The following CYRIB variants were observed in gnomAD, a reference collection of about 807,000 sequenced individuals.
CYRIB encodes the protein CYFIP-related Rac1 interactor B.
CYRIB carries 8 observed loss-of-function variants against 44.2 expected under a neutral mutation model. The ratio of observed to expected loss-of-function variants is 0.18; its 90% CI spans 0.11 to 0.33. The LOEUF (loss-of-function observed/expected upper bound fraction) is 0.33, where lower values mean the gene tolerates loss of function less well. CYRIB is among the 10% of genes least tolerant of loss of function. CYRIB has a pLI of 1.00. For missense variants in CYRIB, 185 were observed against 382.8 expected (o/e 0.48, Z 4.31); for synonymous variants, 131 against 127.2 (o/e 1.03, Z -0.20).
In CYRIB at chr8:129,873,792, G is replaced by C. The variant is rs557721245; in HGVS notation, c.74-2296C>G. Among the ~76,000 whole-genome samples, 3 of 152,082 alleles carry C rather than the reference G, an allele frequency of 2.0e-5. No individual in the cohort carries two copies. The East Asian group carries it at 5.8e-4, about 29-fold the overall frequency. On this transcript the variant is annotated intron_variant, in intron 3 of 11. Coordinates refer to ENST00000519824, the Ensembl canonical transcript of CYRIB. Reference sequence around the variant, plus strand: ...AGACCTTGTAAGTGGTTAATAACTAGTAAAGGTTTAATAAGTACCAAGAAA... The same window carrying C: ...AGACCTTGTAAGTGGTTAATAACTACTAAAGGTTTAATAAGTACCAAGAAA...
chr8:129,853,915 A>G (rs1208763841), intron 7 of CYRIB, among the ~76,000 whole-genome samples: 2 of 152,242 alleles, frequency 1.3e-5, no homozygotes, highest in African/African-American at 2.4e-5. Context: ...ATTTCTCTCC[A>G]AGACTCTTCC....
In CYRIB at chr8:129,855,756, A is replaced by C; in HGVS notation, c.302-9T>G. ...ACCTCTTAATGCTGCTTCTAAAGAA[A>C]AAAATTGAAAAAAACATTAAGTTGT... On this transcript the variant is annotated splice_polypyrimidine_tract_variant and intron_variant, in intron 5 of 11. Coordinates refer to ENST00000519824, the Ensembl canonical transcript of CYRIB. The C allele has an allele frequency of 6.3e-7, 1 of 1,588,912 alleles. No individual in the cohort carries two copies. The highest frequency in any genetic ancestry group is 8.6e-7 in the Non-Finnish European group (1 of 1,168,926).
At chr8:129,992,928 C>T (rs937728145) in intron 1 of CYRIB, among the ~76,000 whole-genome samples, 4 of 152,272 alleles carry the variant, frequency 2.6e-5, no homozygotes, top group Middle Eastern at 3.4e-3. Context: ...GAAAGGAATA[C>T]ACGGCAAGAA....
chr8:129,858,087 T>C (rs1366731547), intron 5 of CYRIB, among the ~76,000 whole-genome samples: 1 of 152,248 alleles, frequency 6.6e-6, no homozygotes, highest in Non-Finnish European at 1.5e-5. Context: ...TTGAAGCAGC[T>C]AGATCAGCCT....
intron 1 of CYRIB, among the ~76,000 whole-genome samples, chr8:129,976,890 G>A (rs930548648): frequency 1.7e-4 from 26 of 152,146 alleles, no homozygotes; most frequent in Non-Finnish European, 3.2e-4. Context: ...TGCCCAGGCT[G>A]GAGTGCAATG....
chr8:129,866,250 T>C (rs759502248), intron 4 of CYRIB, among the ~76,000 whole-genome samples: 4 of 152,234 alleles, frequency 2.6e-5, no homozygotes, highest in Non-Finnish European at 5.9e-5. Context: ...TTTGTTTTTA[T>C]CACGTTTTTC....
At chr8:129,938,641 G>A (rs1291460902) in intron 1 of CYRIB, among the ~76,000 whole-genome samples, 2 of 152,140 alleles carry the variant, frequency 1.3e-5, no homozygotes, top group Admixed American at 6.5e-5. Flanking sequence ...TGACAGATGA[G>A]ACAACAAAGT....
At chr8:129,909,047 C>G (rs1279410369) in intron 1 of CYRIB, among the ~76,000 whole-genome samples, 1 of 152,148 alleles carries the variant, frequency 6.6e-6, no homozygotes, top group African/African-American at 2.4e-5. Context: ...CCATCTCAGC[C>G]TAGCAAAGTG....
intron 1 of CYRIB, among the ~76,000 whole-genome samples, chr8:130,010,762 ATT>A (rs2134418674): frequency 6.6e-6 from 1 of 152,134 alleles, no homozygotes; most frequent in Non-Finnish European, 1.5e-5. Context: ...TCATGTAGAG[ATT>A]TGCACCATCA....
At chr8:129,936,800 G>A (rs1269247178) in intron 1 of CYRIB, among the ~76,000 whole-genome samples, 8 of 148,232 alleles carry the variant, frequency 5.4e-5, no homozygotes, top group East Asian at 2.0e-4. Flanking sequence ...TCCGCCTCCC[G>A]GGTTCATGCC....
intron 2 of CYRIB, among the ~76,000 whole-genome samples, chr8:129,955,848 T>C (rs987528480): frequency 6.6e-6 from 1 of 152,228 alleles, no homozygotes; most frequent in Non-Finnish European, 1.5e-5. Context: ...CCTCAATTTA[T>C]AATGTTGCAA....
exon 12 of CYRIB, chr8:129,840,047 A>C (rs1200009126): frequency 6.5e-6 from 1 of 154,926 alleles, no homozygotes; most frequent in Non-Finnish European, 1.5e-5. Flanking sequence ...ATAGTATCAG[A>C]AAACACAGCC....
At chr8:129,848,239 G>A (rs2041348320) in intron 10 of CYRIB, among the ~76,000 whole-genome samples, 1 of 152,166 alleles carries the variant, frequency 6.6e-6, no homozygotes, top group Non-Finnish European at 1.5e-5. Flanking sequence ...CAACCATACA[G>A]TAAATATTAA....
intron 1 of CYRIB, among the ~76,000 whole-genome samples, chr8:129,994,082 T>C (rs902350313): frequency 6.6e-6 from 1 of 152,112 alleles, no homozygotes; most frequent in African/African-American, 2.4e-5. Flanking sequence ...CGTAACCTTA[T>C]TTGGATTTAG....
At position 129,896,396 on chromosome 8, in the gene CYRIB, C is replaced by T. The variant is rs115652326; in HGVS notation, c.-11+6916G>A. Among the ~76,000 whole-genome samples, 864 of 152,228 alleles carry T rather than the reference C, an allele frequency of 5.7e-3. 8 individuals are homozygous for T. Among genetic ancestry groups the T allele is most frequent in the African/African-American group, 0.019 (791 of 41,528 alleles). On this transcript the variant is annotated intron_variant, in intron 2 of 11. Coordinates refer to ENST00000519824, the Ensembl canonical transcript of CYRIB. ...CTATAAACATCAAGAAAATCAAGGA[C>T]AAGGTTAACAGGCAAAGGTTTACTG...
chr8:129,860,392 A>G (rs2048723606), intron 5 of CYRIB, among the ~76,000 whole-genome samples: 1 of 152,240 alleles, frequency 6.6e-6, no homozygotes, highest in Admixed American at 6.5e-5. Context: ...GAAGACAACC[A>G]AGACAGAAAA....
chr8:129,905,361 G>C (rs2074725804), intron 1 of CYRIB, among the ~76,000 whole-genome samples: 1 of 152,120 alleles, frequency 6.6e-6, no homozygotes. Context: ...AGGACTACAG[G>C]CGCCTGCCAC....
chr8:129,887,965 T>G (rs367827320), intron 2 of CYRIB, among the ~76,000 whole-genome samples: 1 of 152,214 alleles, frequency 6.6e-6, no homozygotes, highest in South Asian at 2.1e-4. Flanking sequence ...TCTGAGTTAA[T>G]GCTGAAATGA....
chr8:130,008,006 C>T (rs116564594), intron 1 of CYRIB, among the ~76,000 whole-genome samples: 6,560 of 152,162 alleles, frequency 0.043, 461 homozygotes, highest in African/African-American at 0.15. Context: ...GTCAGGTGTT[C>T]AAGACTGGCC....
Sources: allele counts gnomAD v4.1 joint callset (sites outside exome capture counted in the v4.1 genomes callset), GRCh38; gene constraint gnomAD v4.1.1; transcripts MANE v1.5; gene names NCBI Gene and HGNC (gene_info 2026-07-23, HGNC 2026-07-21).